NCOR1: variants seen among roughly 807,000 people sequenced by gnomAD.
The protein encoded by NCOR1 is nuclear receptor corepressor 1, also known as protein phosphatase 1, regulatory subunit 109.
Under a neutral mutation model 288.1 loss-of-function variants are expected in NCOR1, and 63 were observed. That is an observed-to-expected ratio of 0.22 (90% confidence interval 0.18 to 0.27). NCOR1 has a LOEUF of 0.27. NCOR1 is among the 10% of genes least tolerant of loss of function. The pLI, the probability that NCOR1 is intolerant of heterozygous loss-of-function variation, is 1.00. For synonymous variants in NCOR1, 1,007 were observed against 1,065.9 expected, an observed-to-expected ratio of 0.94 and a Z score of 1.08; for missense variants, 2,397 against 3,019.2, an observed-to-expected ratio of 0.79 and a Z score of 4.83.
At chr17:16,209,455 C>A (rs1389889365) in intron 1 of NCOR1, among the ~76,000 whole-genome samples, 1 of 152,088 alleles carries the variant, frequency 6.6e-6, no homozygotes, top group Non-Finnish European at 1.5e-5. Flanking sequence ...GGCATGGTAG[C>A]TCATGCCTGT....
intron 1 of NCOR1, among the ~76,000 whole-genome samples, chr17:16,214,892 T>C (rs572328274): frequency 6.6e-6 from 1 of 152,240 alleles, no homozygotes; most frequent in East Asian, 1.9e-4. Flanking sequence ...GTTAGAAAGG[T>C]GAACTAATTT....
intron 34 of NCOR1, 100 bp from the exon 35 acceptor site, chr17:16,064,287 C>T (rs2060875077): frequency 3.4e-6 from 5 of 1,459,290 alleles, no homozygotes; most frequent in Admixed American, 2.0e-5. Context: ...TTTCAAAAAG[C>T]TTCAAATTTG....
intron 14 of NCOR1, among the ~76,000 whole-genome samples, chr17:16,135,111 A>G (rs922058478): frequency 6.8e-6 from 1 of 146,814 alleles, no homozygotes; most frequent in South Asian, 2.2e-4. Flanking sequence ...GTGAGCCAAG[A>G]TCGCACCACT....
intron 31 of NCOR1, among the ~76,000 whole-genome samples, chr17:16,068,816 C>A (rs992540676): frequency 6.6e-6 from 1 of 150,814 alleles, no homozygotes; most frequent in Admixed American, 6.6e-5. Flanking sequence ...TGGGTTCAAG[C>A]GATTCTCCTG....
chr17:16,132,586 T>C (rs1568236732), intron 14 of NCOR1, among the ~76,000 whole-genome samples: 1 of 152,200 alleles, frequency 6.6e-6, no homozygotes. Context: ...GTAGTCTCTA[T>C]CAGAATTTGG....
intron 15 of NCOR1, 40 bp from the exon 16 acceptor site, chr17:16,121,309 G>C: frequency 5.3e-6 from 8 of 1,521,434 alleles, no homozygotes; most frequent in Non-Finnish European, 7.2e-6. Context: ...TGATTCCAAA[G>C]TATACATACA....
chr17:16,061,909 A>G lies in NCOR1; in HGVS notation c.5388-15T>C, dbSNP rs1160425586. On this transcript the variant is annotated splice_polypyrimidine_tract_variant and intron_variant, in intron 36 of 45. Coordinates refer to ENST00000268712, the MANE Select transcript of NCOR1 (RefSeq NM_006311.4). ...CAGGCAGTGGCCTGTAAATAAAACC[A>G]AATCACAGCTCTGTGAAGGGAAGAC... 6.3e-7 allele frequency: 1 copy of G among 1,592,734 alleles called. No individual in the cohort carries two copies. The highest frequency in any genetic ancestry group is 2.2e-5 in the East Asian group (1 of 44,640).
intron 20 of NCOR1, among the ~76,000 whole-genome samples, chr17:16,099,489 T>C (rs1400484991): frequency 6.6e-6 from 1 of 152,234 alleles, no homozygotes; most frequent in Non-Finnish European, 1.5e-5. Flanking sequence ...GTGTAGACTT[T>C]AGTGTGTCAT....
chr17:16,055,456 T>G (rs748869414), intron 40 of NCOR1, among the ~76,000 whole-genome samples: 1 of 152,174 alleles, frequency 6.6e-6, no homozygotes, highest in Non-Finnish European at 1.5e-5. Flanking sequence ...TTCTCACTTA[T>G]AAGCGGGAGC....
At chr17:16,145,512 C>A (rs1050980977) in intron 10 of NCOR1, among the ~76,000 whole-genome samples, 1 of 147,152 alleles carries the variant, frequency 6.8e-6, no homozygotes, top group African/African-American at 2.4e-5. Context: ...CCGGCCACGA[C>A]CCCGTCTGGG....
intron 6 of NCOR1, among the ~76,000 whole-genome samples, chr17:16,154,776 A>C (rs1389186632): frequency 6.6e-6 from 1 of 152,216 alleles, no homozygotes; most frequent in Non-Finnish European, 1.5e-5. Context: ...TTAGAAAGAA[A>C]GGACTGAAGC....
intron 10 of NCOR1, among the ~76,000 whole-genome samples, chr17:16,145,722 A>C (rs2077861856): frequency 6.6e-6 from 1 of 151,444 alleles, no homozygotes; most frequent in African/African-American, 2.4e-5. Flanking sequence ...GGTGGGGGGC[A>C]GCCCCTGCCC....
intron 16 of NCOR1, among the ~76,000 whole-genome samples, chr17:16,120,739 G>A (rs998447571): frequency 6.6e-6 from 1 of 151,976 alleles, no homozygotes; most frequent in Non-Finnish European, 1.5e-5. Flanking sequence ...TCAGCAATAA[G>A]AGAATGGTTA....
chr17:16,075,156 C>T (rs567608310), intron 27 of NCOR1, among the ~76,000 whole-genome samples: 1 of 152,124 alleles, frequency 6.6e-6, no homozygotes, highest in Admixed American at 6.5e-5. Context: ...AGTAGATAGG[C>T]GTGAACCACC....
chr17:16,197,104 G>A (rs899140989), intron 1 of NCOR1, among the ~76,000 whole-genome samples: 10 of 151,982 alleles, frequency 6.6e-5, no homozygotes, highest in East Asian at 1.9e-4. Flanking sequence ...GGCAGATCAC[G>A]AGGTCAGGAG....
chr17:16,078,579 A>G (rs1295316949), intron 26 of NCOR1, among the ~76,000 whole-genome samples: 1 of 108,582 alleles, frequency 9.2e-6, no homozygotes, highest in Non-Finnish European at 2.1e-5. Context: ...ATAAATGGAG[A>G]CTTTTTTTTT....
chr17:16,182,039 T>G (rs1372753256), intron 3 of NCOR1, among the ~76,000 whole-genome samples: 1 of 152,108 alleles, frequency 6.6e-6, no homozygotes, highest in East Asian at 1.9e-4. Context: ...ATTTTAGATA[T>G]CAGATCACTG....
At chr17:16,197,072 C>T (rs1203294486) in intron 1 of NCOR1, among the ~76,000 whole-genome samples, 4 of 151,686 alleles carry the variant, frequency 2.6e-5, no homozygotes, top group African/African-American at 4.8e-5. Flanking sequence ...CGGTGGCTCA[C>T]GCACTTTAGG....
intron 13 of NCOR1, 126 bp from the exon 14 acceptor site, chr17:16,137,538 A>G: frequency 1.9e-6 from 1 of 523,000 alleles, no homozygotes; most frequent in Non-Finnish European, 3.2e-6. Context: ...AACAACATAC[A>G]TTGCTAGCAT....
Sources: gnomAD v4.1 joint callset for allele counts (sites outside exome capture counted in the v4.1 genomes callset) on GRCh38, gnomAD v4.1.1 for gene constraint, MANE v1.5 for transcripts, NCBI Gene and HGNC (gene_info 2026-07-23, HGNC 2026-07-21) for gene names.